The following IFNG-AS1 variants were observed in gnomAD, a reference collection of about 807,000 sequenced individuals.
IFNG-AS1 encodes the protein IFNG regulatory antisense RNA 1, also known as IFNG antisense RNA 1 (non-protein coding).
chr12:67,990,127 T>G (rs1373185840), intron 1 of IFNG-AS1, among the ~76,000 whole-genome samples: 3 of 152,210 alleles, frequency 2.0e-5, no homozygotes, highest in Non-Finnish European at 2.9e-5. Flanking sequence ...ACTAATTGCA[T>G]AATTACTGCT....
intron 3 of IFNG-AS1, among the ~76,000 whole-genome samples, chr12:68,016,165 G>C (rs1444823159): frequency 6.6e-6 from 1 of 152,048 alleles, no homozygotes; most frequent in Non-Finnish European, 1.5e-5. Flanking sequence ...AGACAAAATG[G>C]AGTCATGGAG....
At chr12:68,010,053 C>T (rs1667489384) in intron 3 of IFNG-AS1, among the ~76,000 whole-genome samples, 1 of 152,188 alleles carries the variant, frequency 6.6e-6, no homozygotes, top group Admixed American at 6.5e-5. Context: ...ACTTTTGCCA[C>T]ATATGAATGT....
rs2120432601 is a variant in IFNG-AS1, at chr12:68,000,471, C to A, written n.184+4398C>A. 1.3e-5 allele frequency among the ~76,000 whole-genome samples: 2 copies of A among 152,068 alleles called. 1 individual carries two copies. The highest frequency in any genetic ancestry group is 2.9e-5 in the Non-Finnish European group (2 of 67,958). On this transcript the variant is annotated intron_variant and non_coding_transcript_variant, in intron 2 of 5. Transcript: ENST00000536914. ...TAGCTTGAGGCCAGGAGTTCAAGAC[C>A]AGCCTGGACAACATAGTGAGACCCT...
At chr12:68,005,218 C>T (rs1035482339) in intron 2 of IFNG-AS1, among the ~76,000 whole-genome samples, 1 of 152,204 alleles carries the variant, frequency 6.6e-6, no homozygotes, top group Non-Finnish European at 1.5e-5. Flanking sequence ...GAGGGAAGAT[C>T]TCTGTGTCCC....
chr12:67,991,650 C>T (rs58752621), intron 1 of IFNG-AS1, among the ~76,000 whole-genome samples: 1 of 152,208 alleles, frequency 6.6e-6, no homozygotes, highest in Non-Finnish European at 1.5e-5. Flanking sequence ...CCATGTTAAA[C>T]CCAGAACTTT....
At chr12:67,994,606 T>C (rs2120415449) in intron 1 of IFNG-AS1, among the ~76,000 whole-genome samples, 1 of 152,338 alleles carries the variant, frequency 6.6e-6, no homozygotes, top group South Asian at 2.1e-4. Context: ...CAATTGTGTA[T>C]GAAATGGACA....
intron 3 of IFNG-AS1, among the ~76,000 whole-genome samples, chr12:68,017,361 C>G (rs1164786066): frequency 6.6e-6 from 1 of 152,106 alleles, no homozygotes. Flanking sequence ...GAGTATGATC[C>G]CATCACTGTA....
At position 68,016,256 on chromosome 12, in the gene IFNG-AS1, T is replaced by C. The variant is rs183995642; in HGVS notation, n.242-3606T>C. On this transcript the variant is annotated intron_variant and non_coding_transcript_variant, in intron 3 of 5. Transcript: ENST00000536914. ...GCATACCGTGGAGTCATGCTCCACA[T>C]AGTGGAACTCCTAGGCTCCCTGCCT... Among the ~76,000 whole-genome samples the C allele has an allele frequency of 3.9e-5, 6 of 152,280 alleles. No individual in the cohort carries two copies. In the East Asian group the frequency reaches 1.2e-3, roughly 29 times the overall value.
intron 3 of IFNG-AS1, among the ~76,000 whole-genome samples, chr12:68,011,439 C>G (rs537930364): frequency 6.6e-6 from 1 of 152,288 alleles, no homozygotes; most frequent in South Asian, 2.1e-4. Context: ...CCTGTATATA[C>G]TGTAACTCCT....
chr12:68,011,803 C>T (rs1034973644), intron 3 of IFNG-AS1, among the ~76,000 whole-genome samples: 9 of 152,222 alleles, frequency 5.9e-5, no homozygotes, highest in South Asian at 2.1e-4. Context: ...CCCAACCTTA[C>T]GGGAGCCAAA....
chr12:68,002,751 T>C (rs1879798374), intron 2 of IFNG-AS1, among the ~76,000 whole-genome samples: 1 of 152,212 alleles, frequency 6.6e-6, no homozygotes, highest in South Asian at 2.1e-4. Context: ...ATGAGGACTT[T>C]TGAGGGAAAC....
At chr12:67,994,376 A>T (rs1377860338) in intron 1 of IFNG-AS1, among the ~76,000 whole-genome samples, 1 of 152,268 alleles carries the variant, frequency 6.6e-6, no homozygotes, top group Non-Finnish European at 1.5e-5. Flanking sequence ...ATATGGAGGT[A>T]CAGAAAGGAA....
chr12:67,998,715 A>G (rs1255032951), intron 2 of IFNG-AS1, among the ~76,000 whole-genome samples: 1 of 152,188 alleles, frequency 6.6e-6, no homozygotes, highest in Non-Finnish European at 1.5e-5. Flanking sequence ...GCCTAACTCA[A>G]TTACAAACCA....
chr12:68,015,631 G>T (rs1880134325), intron 3 of IFNG-AS1, among the ~76,000 whole-genome samples: 1 of 152,034 alleles, frequency 6.6e-6, no homozygotes, highest in African/African-American at 2.4e-5. Flanking sequence ...ACATTTATTT[G>T]ATTTTAGTAC....
chr12:67,995,609 C>G (rs1276254728), intron 1 of IFNG-AS1, among the ~76,000 whole-genome samples: 2 of 150,808 alleles, frequency 1.3e-5, no homozygotes, highest in East Asian at 3.9e-4. Flanking sequence ...GTATTCCCAG[C>G]TATTCGGAAG....
intron 3 of IFNG-AS1, among the ~76,000 whole-genome samples, chr12:68,013,843 G>A (rs1217902559): frequency 3.3e-5 from 5 of 152,150 alleles, no homozygotes; most frequent in African/African-American, 1.2e-4. Flanking sequence ...TTGGTTACAT[G>A]AGTAAGTTAT....
chr12:68,014,078 A>T (rs1880093360), intron 3 of IFNG-AS1, among the ~76,000 whole-genome samples: 1 of 152,196 alleles, frequency 6.6e-6, no homozygotes, highest in Non-Finnish European at 1.5e-5. Flanking sequence ...ACTTAGAATA[A>T]TAGTCTCCAG....
intron 3 of IFNG-AS1, among the ~76,000 whole-genome samples, chr12:68,018,747 C>A (rs947554590): frequency 6.7e-6 from 1 of 149,892 alleles, no homozygotes; most frequent in East Asian, 2.0e-4. Flanking sequence ...TGAGTCCTTA[C>A]TTTTTTTTTA....
chr12:68,000,893 G>T (rs1199500360), intron 2 of IFNG-AS1, among the ~76,000 whole-genome samples: 1 of 152,014 alleles, frequency 6.6e-6, no homozygotes, highest in Non-Finnish European at 1.5e-5. Flanking sequence ...GAGCATCTTA[G>T]AGTCGAATTT....
Sources: allele counts gnomAD v4.1 joint callset (sites outside exome capture counted in the v4.1 genomes callset), GRCh38; gene constraint gnomAD v4.1.1; transcripts MANE v1.5; gene names NCBI Gene and HGNC (gene_info 2026-07-23, HGNC 2026-07-21).